CIB1: variants seen among roughly 807,000 people sequenced by gnomAD.
CIB1 encodes calcium and integrin binding 1, also known as calcium and integrin-binding protein 1.
CIB1 carries 19 observed loss-of-function variants against 25.0 expected under a neutral mutation model. The observed-to-expected ratio is 0.76, with a 90% CI of 0.53 to 1.12. The LOEUF (loss-of-function observed/expected upper bound fraction) is 1.12, where lower values mean the gene tolerates loss of function less well. CIB1 is among the 50% of genes most tolerant of loss of function. The pLI, the probability that CIB1 is intolerant of heterozygous loss-of-function variation, is 0.00. For synonymous variants in CIB1, 104 were observed against 98.5 expected (o/e 1.06, Z -0.33); for missense variants, 236 against 242.6 (o/e 0.97, Z 0.18).
rs368270679 is a variant in CIB1, at chr15:90,231,335, C to T, written c.346+22G>A. Reference sequence around the variant, plus strand: ...CCACGTGGGAAGGGGTGGTGTCCTGCCGGGCTGCTCCTGGTTCTCACCAAA... The same window carrying T: ...CCACGTGGGAAGGGGTGGTGTCCTGTCGGGCTGCTCCTGGTTCTCACCAAA... On this transcript the variant is annotated intron_variant, in intron 4 of 6. Coordinates refer to ENST00000328649, the MANE Select transcript of CIB1 (RefSeq NM_006384.4). The T allele has an allele frequency of 9.9e-6, 16 of 1,611,760 alleles. No individual in the cohort carries two copies. The African/African-American group carries it at 1.5e-4, about 15-fold the overall frequency.
the CIB1 span, chr15:90,265,736 G>T: frequency 2.5e-6 from 4 of 1,613,208 alleles, no homozygotes; most frequent in South Asian, 2.2e-5. Flanking sequence ...TGAGTCTCTT[G>T]CTGGGCGGGC....
At chr15:90,241,914 G>C in the CIB1 span, 1 of 1,614,116 alleles carries the variant, frequency 6.2e-7, no homozygotes, top group Non-Finnish European at 8.5e-7. Context: ...CTGTGAGCTG[G>C]CTGGGCACCT....
the CIB1 span, chr15:90,249,408 C>G: frequency 2.6e-5 from 4 of 152,182 alleles, no homozygotes; most frequent in Non-Finnish European, 5.9e-5. Context: ...CCGGCCAGCT[C>G]CAAAGGGCAA....
chr15:90,230,973 TCA>T lies in CIB1; in HGVS notation c.513_514del (p.Glu172ValfsTer16). 6.2e-7 allele frequency: 1 copy of T among 1,614,136 alleles called. No homozygotes were observed. ...AGAACGGGAGATGACGTGCTGGAAC[TCA>T]GAGAGGTTGATGGTTCCATCCCTGT... On this transcript the variant is annotated frameshift_variant, in exon 6 of 7. Transcript: ENST00000328649. LOFTEE classifies it high-confidence loss of function.
In CIB1 at chr15:90,230,163, T is replaced by C. The variant is rs905753781; in HGVS notation, c.*321A>G. ...ACTTCCCGCTGGCCTCTGCTCGATA[T>C]GCTGCTTATTCCTAGGATGATTGAA... On this transcript the variant is annotated 3_prime_UTR_variant, in exon 7 of 7. Coordinates refer to ENST00000328649, the MANE Select transcript of CIB1 (RefSeq NM_006384.4). 2.5e-6 allele frequency: 1 copy of C among 394,846 alleles called. No homozygotes were observed. Among genetic ancestry groups the C allele is most frequent in the East Asian group, 4.9e-5 (1 of 20,344 alleles). 24.5% of individuals were successfully genotyped at this position (394,846 alleles called of 1,614,324 possible). A position where few individuals can be genotyped will look rare whatever the true frequency, so the allele number is the denominator to read the frequency against.
chr15:90,252,056 T>TTTTTTTTTTTTTTA, the CIB1 span, among the ~76,000 whole-genome samples: 3 of 151,182 alleles, frequency 2.0e-5, no homozygotes, highest in African/African-American at 7.3e-5. Flanking sequence ...TTTTTTTTTT[T>TTTTTTTTTTTTTTA]GAGACCGAGT....
At chr15:90,255,650 C>T in the CIB1 span, 1 of 1,531,314 alleles carries the variant, frequency 6.5e-7, no homozygotes, top group Non-Finnish European at 9.0e-7. Context: ...TCCACTGTGA[C>T]TTCTCCCTTA....
upstream of CIB1, among the ~76,000 whole-genome samples, chr15:90,238,028 G>A (rs140655715): frequency 0.024 from 3,690 of 152,248 alleles, 143 homozygotes; most frequent in African/African-American, 0.08. Context: ...GGCCAGGTGC[G>A]GTGGCTCACG....
chr15:90,246,476 T>A, the CIB1 span, among the ~76,000 whole-genome samples: 7 of 151,764 alleles, frequency 4.6e-5, no homozygotes, highest in African/African-American at 1.7e-4. Flanking sequence ...AAGAATAGAA[T>A]CAGGGAATCC....
At chr15:90,257,519 GGA>G in the CIB1 span, 5 of 1,057,868 alleles carry the variant, frequency 4.7e-6, no homozygotes, top group Middle Eastern at 7.7e-4. Flanking sequence ...GTCCTCTGGT[GGA>G]GAGAGACAGG....
At chr15:90,257,119 T>C in the CIB1 span, 1 of 1,608,544 alleles carries the variant, frequency 6.2e-7, no homozygotes, top group African/African-American at 1.3e-5. Flanking sequence ...TATTCCCTCA[T>C]GGGTTTGCAT....
At chr15:90,242,817 A>C in the CIB1 span, 2 of 152,060 alleles carry the variant, frequency 1.3e-5, no homozygotes, top group Admixed American at 1.3e-4. Context: ...TTGGACATTT[A>C]TTTTCATGGC....
the CIB1 span, chr15:90,261,985 C>T: frequency 6.6e-7 from 1 of 1,520,310 alleles, no homozygotes; most frequent in Non-Finnish European, 8.8e-7. Flanking sequence ...ACTCTTGACT[C>T]ACTGAGCTTG....
At chr15:90,265,217 A>G in the CIB1 span, 3 of 1,349,158 alleles carry the variant, frequency 2.2e-6, no homozygotes, top group Non-Finnish European at 1.9e-6. Flanking sequence ...CTGCTCATCA[A>G]GCCTTAGCCT....
At chr15:90,263,645 C>T in the CIB1 span, 17 of 598,520 alleles carry the variant, frequency 2.8e-5, no homozygotes, top group South Asian at 1.6e-4. Context: ...ATAGTGGCCG[C>T]GGCCTAGAAG....
chr15:90,241,081 C>T, the CIB1 span: 4 of 1,614,182 alleles, frequency 2.5e-6, no homozygotes, highest in Non-Finnish European at 3.4e-6. Context: ...CCACAATCTC[C>T]CTTTGATGCT....
Position 90,231,226 on chromosome 15 carries a change from C to T in CIB1, c.347-13G>A, listed in dbSNP as rs755837250. ...TCATCATCAAAGTCTAGAGAGCAGA[C>T]ACAGGAAGCCAAAAGACACGGTTGG... On this transcript the variant is annotated splice_polypyrimidine_tract_variant and intron_variant, in intron 4 of 6. Coordinates refer to ENST00000328649, the MANE Select transcript of CIB1 (RefSeq NM_006384.4). 6.2e-7 allele frequency: 1 copy of T among 1,613,476 alleles called. No individual in the cohort carries two copies. Among genetic ancestry groups the T allele is most frequent in the South Asian group, 1.1e-5 (1 of 91,070 alleles).
the CIB1 span, chr15:90,241,898 T>C: frequency 6.2e-7 from 1 of 1,614,140 alleles, no homozygotes; most frequent in Non-Finnish European, 8.5e-7. Context: ...CTTTCAATGT[T>C]GCCCTCTGTG....
the CIB1 span, chr15:90,251,616 C>T: frequency 3.7e-6 from 6 of 1,612,226 alleles, no homozygotes; most frequent in East Asian, 2.2e-5. Context: ...GCCCGTCGCT[C>T]ACACTGTGGT....
Sources: allele counts gnomAD v4.1 joint callset (sites outside exome capture counted in the v4.1 genomes callset), GRCh38; gene constraint gnomAD v4.1.1; transcripts MANE v1.5; gene names NCBI Gene and HGNC (gene_info 2026-07-23, HGNC 2026-07-21).